RBFOX1: variants seen among roughly 807,000 people sequenced by gnomAD.
The protein encoded by RBFOX1 is RNA binding protein fox-1 homolog 1.
Under a neutral mutation model 57.7 loss-of-function variants are expected in RBFOX1, and 8 were observed. That is an observed-to-expected ratio of 0.14 (90% confidence interval 0.08 to 0.25). The LOEUF (loss-of-function observed/expected upper bound fraction) is 0.25, where lower values mean the gene tolerates loss of function less well. Among genes scored for constraint, RBFOX1 ranks in the 10% least tolerant of loss-of-function variants. The probability of loss-of-function intolerance (pLI) is 1.00; values close to 1 mark genes in which losing one functional copy is unlikely to be tolerated. For synonymous variants in RBFOX1, 326 were observed against 222.4 expected (o/e 1.47, Z -4.15); for missense variants, 611 against 548.5 (o/e 1.11, Z -1.14).
intron 2 of RBFOX1, among the ~76,000 whole-genome samples, chr16:5,482,679 C>A (rs1035885842): frequency 1.3e-5 from 2 of 152,132 alleles, no homozygotes; most frequent in Non-Finnish European, 2.9e-5. Context: ...GGGCATGAGG[C>A]AGAGAATGGG....
chr16:7,493,589 A>AGAG (rs2067641103), intron 4 of RBFOX1, among the ~76,000 whole-genome samples: 1 of 152,122 alleles, frequency 6.6e-6, no homozygotes, highest in Non-Finnish European at 1.5e-5. Context: ...AGTCAGAGTC[A>AGAG]GAGAGGAAGA....
At chr16:6,483,586 G>A (rs1022935906) in intron 2 of RBFOX1, 8 of 1,455,400 alleles carry the variant, frequency 5.5e-6, no homozygotes, top group African/African-American at 1.4e-5. Context: ...GTCAGGGAAG[G>A]AGAGAAAGAG....
At chr16:5,523,871 T>G (rs908150141) in intron 2 of RBFOX1, among the ~76,000 whole-genome samples, 2 of 152,170 alleles carry the variant, frequency 1.3e-5, no homozygotes, top group Non-Finnish European at 2.9e-5. Flanking sequence ...TGGGGCAGCA[T>G]GGAGGGGCTG....
At position 6,149,981 on chromosome 16, in the gene RBFOX1, G is replaced by A. The variant is rs576049512; in HGVS notation, c.-127+129989G>A. ...AAATATGCCAAACTCTTAGGGGATCGCAGACATTCAAAATCATAGCTCCTG... is the reference window on the plus strand; with the variant it reads ...AAATATGCCAAACTCTTAGGGGATCACAGACATTCAAAATCATAGCTCCTG... On this transcript the variant is annotated intron_variant, in intron 1 of 15. Transcript: ENST00000550418. Among the ~76,000 whole-genome samples the A allele has an allele frequency of 3.3e-5, 5 of 152,254 alleles. No homozygotes were observed. The South Asian group carries it at 6.2e-4, about 19-fold the overall frequency.
intron 3 of RBFOX1, among the ~76,000 whole-genome samples, chr16:5,657,652 CTTTTCTTTTCTTTCTTTCTTTTCT>C (rs1477761261): frequency 0.012 from 1,414 of 115,732 alleles, 47 homozygotes; most frequent in East Asian, 0.039. Flanking sequence ...TTCTTTCTTT[CTTTTCTTTTCTTTCTTTCTTTTCT>C]TTTCTTTCTT....
At chr16:6,713,487 A>C (rs1434942947) in intron 3 of RBFOX1, among the ~76,000 whole-genome samples, 2 of 152,092 alleles carry the variant, frequency 1.3e-5, no homozygotes, top group African/African-American at 2.4e-5. Context: ...TGTGCATTGT[A>C]GGATGTTGAG....
At chr16:5,752,471 C>G (rs1352095876) in intron 3 of RBFOX1, among the ~76,000 whole-genome samples, 2 of 152,218 alleles carry the variant, frequency 1.3e-5, no homozygotes, top group Non-Finnish European at 2.9e-5. Flanking sequence ...AAACAATCAA[C>G]TATTAAAAGG....
intron 2 of RBFOX1, among the ~76,000 whole-genome samples, chr16:5,485,107 G>A (rs1597254443): frequency 6.6e-6 from 1 of 151,972 alleles, no homozygotes; most frequent in African/African-American, 2.4e-5. Flanking sequence ...AGCACTTTGG[G>A]AGGCCGAGGC....
chr16:5,740,628 C>G lies in RBFOX1; in HGVS notation c.319-126675C>G, dbSNP rs138644203. Among the ~76,000 whole-genome samples, 31 of 152,242 alleles carry G rather than the reference C, an allele frequency of 2.0e-4. No homozygotes were observed. In the East Asian group the frequency reaches 2.7e-3, roughly 13 times the overall value. On this transcript the variant is annotated intron_variant, in intron 3 of 19. Transcript: ENST00000641259. The stretch of plus-strand genomic sequence containing the variant: ...GCTGTGGCTTCAGGCATAGCTGGAT[C>G]CAGGAGCTTAAACAGTATGATAGGC...
At chr16:6,921,285 C>A (rs1044282288) in intron 3 of RBFOX1, among the ~76,000 whole-genome samples, 3 of 152,326 alleles carry the variant, frequency 2.0e-5, no homozygotes, top group Admixed American at 6.5e-5. Flanking sequence ...AATTTTGATA[C>A]AATTTAGCTG....
chr16:6,895,411 G>T (rs7196456), intron 3 of RBFOX1, among the ~76,000 whole-genome samples: 32,992 of 129,648 alleles, frequency 0.25, 4,419 homozygotes, highest in Middle Eastern at 0.31. Flanking sequence ...CTAGTTGTTA[G>T]TAATATATGT....
At chr16:5,782,708 A>G (rs772434235) in intron 3 of RBFOX1, among the ~76,000 whole-genome samples, 2 of 152,216 alleles carry the variant, frequency 1.3e-5, no homozygotes, top group African/African-American at 2.4e-5. Context: ...ATTGGCTTAC[A>G]TAATTACAGA....
intron 2 of RBFOX1, among the ~76,000 whole-genome samples, chr16:5,489,114 G>T (rs1236217804): frequency 2.0e-5 from 3 of 152,212 alleles, no homozygotes; most frequent in Non-Finnish European, 4.4e-5. Flanking sequence ...TGCCTGTCCA[G>T]CTTTGCCTGA....
chr16:6,175,493 T>C (rs1424748085), intron 1 of RBFOX1, among the ~76,000 whole-genome samples: 1 of 152,144 alleles, frequency 6.6e-6, no homozygotes, highest in Non-Finnish European at 1.5e-5. Context: ...CACCCGGTTT[T>C]TCTGTAGGTC....
intron 1 of RBFOX1, among the ~76,000 whole-genome samples, chr16:6,095,060 A>T (rs1343832565): frequency 6.6e-6 from 1 of 152,214 alleles, no homozygotes; most frequent in Non-Finnish European, 1.5e-5. Flanking sequence ...ACTCCATCTC[A>T]AGAAAAACAA....
chr16:6,960,000 C>G (rs1343001650), intron 3 of RBFOX1, among the ~76,000 whole-genome samples: 1 of 152,096 alleles, frequency 6.6e-6, no homozygotes, highest in Non-Finnish European at 1.5e-5. Flanking sequence ...TGAAATGTAA[C>G]AAAAACCCCC....
rs548470990 is a variant in RBFOX1 at position 6,258,400 on chromosome 16, C to T, written c.-126-58595C>T. Among the ~76,000 whole-genome samples, 8 of 152,304 alleles carry T rather than the reference C, an allele frequency of 5.3e-5. No individual in the cohort carries two copies. The East Asian group carries it at 1.2e-3, about 22-fold the overall frequency. ...TTGTGTTTCTAAAACAACAATTTCTCTTAGAATGAGTGTGTTTTTGATTGT... is the reference window on the plus strand; with the variant it reads ...TTGTGTTTCTAAAACAACAATTTCTTTTAGAATGAGTGTGTTTTTGATTGT... On this transcript the variant is annotated intron_variant, in intron 1 of 15. Coordinates refer to ENST00000550418, the MANE Select transcript of RBFOX1 (RefSeq NM_018723.4).
chr16:5,905,432 C>T (rs749866332), intron 4 of RBFOX1, among the ~76,000 whole-genome samples: 1 of 152,064 alleles, frequency 6.6e-6, no homozygotes, highest in Non-Finnish European at 1.5e-5. Flanking sequence ...ACACAGAAGG[C>T]CAGGCGCAGT....
At chr16:7,532,807 A>C (rs2080449373) in intron 5 of RBFOX1, among the ~76,000 whole-genome samples, 1 of 152,174 alleles carries the variant, frequency 6.6e-6, no homozygotes, top group South Asian at 2.1e-4. Context: ...AGTAATTGTG[A>C]CAGAGCTCGA....
Sources: gnomAD v4.1 joint callset for allele counts (sites outside exome capture counted in the v4.1 genomes callset) on GRCh38, gnomAD v4.1.1 for gene constraint, MANE v1.5 for transcripts, NCBI Gene and HGNC (gene_info 2026-07-23, HGNC 2026-07-21) for gene names.